CD163L1: variants seen among roughly 807,000 people sequenced by gnomAD.
The protein encoded by CD163L1 is CD163 molecule like 1.
Under a neutral mutation model 165.4 loss-of-function variants are expected in CD163L1, and 124 were observed. That is an observed-to-expected ratio of 0.75 (90% CI 0.65 to 0.87). The LOEUF is 0.87. Ranked by LOEUF, CD163L1 falls within the 40% of genes least tolerant of loss-of-function variation. CD163L1 has a pLI of 0.00. For missense variants in CD163L1, 1,525 were observed against 1,799.9 expected (o/e 0.85, Z 2.76); for synonymous variants, 585 against 662.2 (o/e 0.88, Z 1.79).
the CD163L1 span, among the ~76,000 whole-genome samples, chr12:7,331,762 C>T: frequency 1.3e-5 from 2 of 152,094 alleles, no homozygotes; most frequent in Middle Eastern, 3.2e-3. Context: ...GAAAGGACAT[C>T]CACACCAAAA....
At chr12:7,324,146 ACT>A in the CD163L1 span, 1 of 1,118,372 alleles carries the variant, frequency 8.9e-7, no homozygotes, top group Admixed American at 2.8e-5. Flanking sequence ...ACAGAGAGAG[ACT>A]CTGTCTCAAA....
chr12:7,393,948 A>G (rs1947716457), intron 8 of CD163L1, among the ~76,000 whole-genome samples: 1 of 152,214 alleles, frequency 6.6e-6, no homozygotes, highest in African/African-American at 2.4e-5. Flanking sequence ...AGAACATTCC[A>G]TGCTCATGGA....
the CD163L1 span, among the ~76,000 whole-genome samples, chr12:7,329,657 C>T: frequency 6.6e-6 from 1 of 151,470 alleles, no homozygotes; most frequent in East Asian, 1.9e-4. Context: ...AAAGAAAAAC[C>T]TAAAGGGGGA....
intron 2 of CD163L1, chr12:7,439,344 G>C: frequency 6.3e-7 from 1 of 1,589,392 alleles, no homozygotes; most frequent in South Asian, 1.1e-5. Context: ...ATCTTTTTTG[G>C]GCTTTTTGGA....
At chr12:7,333,937 C>G in the CD163L1 span, among the ~76,000 whole-genome samples, 3 of 152,058 alleles carry the variant, frequency 2.0e-5, no homozygotes, top group Admixed American at 6.5e-5. Flanking sequence ...AAGACTAAAC[C>G]AGGAAGAAGT....
In CD163L1 at chr12:7,433,613, C is replaced by T; in HGVS notation, c.206G>A (p.Trp69Ter). ...CCACCCATCATCACACACAGTCCCC[C>T]ACTGTCCCTGGAATTTCACCTCCAC... Reference protein sequence around the residue: ...GTVEVKFQGQWGTVCDDGWNT... With the variant: ...GTVEVKFQGQ The change falls in exon 3 of 20, where the codon TGG becomes TAG. Residue 69 changes from tryptophan to a stop codon, truncating the protein, a stop_gained. Transcript: ENST00000313599. LOFTEE classifies it high-confidence loss of function. 2 of 1,614,170 alleles carry T rather than the reference C, an allele frequency of 1.2e-6. No individual in the cohort carries two copies. The highest frequency in any genetic ancestry group is 1.3e-5 in the African/African-American group (1 of 75,070).
intron 4 of CD163L1, among the ~76,000 whole-genome samples, chr12:7,407,767 A>G (rs1044260621): frequency 3.4e-5 from 5 of 148,404 alleles, no homozygotes; most frequent in African/African-American, 1.2e-4. Context: ...GTGTATATAT[A>G]CACACACACA....
At chr12:7,436,613 T>A (rs1353838560) in intron 2 of CD163L1, among the ~76,000 whole-genome samples, 4 of 151,382 alleles carry the variant, frequency 2.6e-5, no homozygotes, top group South Asian at 2.1e-4. Context: ...CTGTAAAAAA[T>A]TTTTTTTAAT....
At chr12:7,346,323 T>C (rs1484713476), downstream of CD163L1, among the ~76,000 whole-genome samples, 2 of 152,164 alleles carry the variant, frequency 1.3e-5, no homozygotes. Flanking sequence ...TTTTTATTAA[T>C]TTGTATTGAT....
At chr12:7,414,128 A>T (rs1948192491) in intron 4 of CD163L1, among the ~76,000 whole-genome samples, 1 of 152,230 alleles carries the variant, frequency 6.6e-6, no homozygotes, top group African/African-American at 2.4e-5. Flanking sequence ...CAAAGAAAGT[A>T]AGATCTAAAA....
At position 7,405,979 on chromosome 12, in the gene CD163L1, T is replaced by C. The variant is rs185006972; in HGVS notation, c.1087+553A>G. 4.8e-3 allele frequency among the ~76,000 whole-genome samples: 736 copies of C among 152,248 alleles called. 9 individuals carry two copies. The highest frequency in any genetic ancestry group is 0.017 in the African/African-American group (696 of 41,546). ...AATAAACAGCGAGGGGTAACTTGCT[T>C]GTAGTTGAAAGTTGCAAACTAGAAA... On this transcript the variant is annotated intron_variant, in intron 5 of 19. Coordinates refer to ENST00000313599, the MANE Select transcript of CD163L1 (RefSeq NM_174941.6).
downstream of CD163L1, among the ~76,000 whole-genome samples, chr12:7,342,487 G>GGCTCTCA (rs1215766859): frequency 1.3e-5 from 2 of 152,136 alleles, no homozygotes; most frequent in Non-Finnish European, 2.9e-5. Flanking sequence ...CTCTGTTCGA[G>GGCTCTCA]GCTCTCAGCT....
At position 7,443,964 on chromosome 12, in the gene CD163L1, T is replaced by A; in HGVS notation, c.31+133A>T. On this transcript the variant is annotated intron_variant, in intron 1 of 19. Coordinates refer to ENST00000313599, the MANE Select transcript of CD163L1 (RefSeq NM_174941.6). ...ACTCTAAGTTCCACAAAACTTTCAA[T>A]TTTTTTATATTTCTCATGTCCTGTT... The A allele has an allele frequency of 3.5e-6, 3 of 853,512 alleles. No homozygotes were observed. In the East Asian group the frequency reaches 8.4e-5, roughly 24 times the overall value. 52.9% of individuals were successfully genotyped at this position (853,512 alleles called of 1,614,324 possible).
At chr12:7,320,811 G>A in the CD163L1 span, 98 of 1,606,248 alleles carry the variant, frequency 6.1e-5, 1 homozygote, top group Non-Finnish European at 8.1e-5. Context: ...AGAGGTACTT[G>A]GGCAGAAATC....
Position 7,374,956 on chromosome 12 carries a change from A to G in CD163L1, c.3002-33T>C. 6.3e-7 allele frequency: 1 copy of G among 1,582,614 alleles called. No homozygotes were observed. Among genetic ancestry groups the G allele is most frequent in the Non-Finnish European group, 8.7e-7 (1 of 1,151,430 alleles). On this transcript the variant is annotated intron_variant, in intron 11 of 19. Coordinates refer to ENST00000313599, the MANE Select transcript of CD163L1 (RefSeq NM_174941.6). The surrounding 1 kb of genome is among the most constrained non-coding windows in gnomAD (Gnocchi z 5.4). Reference sequence around the variant, plus strand: ...AGGGTGCAGGAAATGGGGCAAAAGTAAGACCAAAATACATGGAAAAGGTTG... The same window carrying G: ...AGGGTGCAGGAAATGGGGCAAAAGTGAGACCAAAATACATGGAAAAGGTTG...
In CD163L1 at chr12:7,375,312, G is replaced by A. The variant is rs1168086288; in HGVS notation, c.2970C>T (p.Ile990=). The change falls in exon 11 of 20, where the codon ATC becomes ATT. Residue 990 remains isoleucine, a synonymous_variant. Transcript: ENST00000313599. ...QMTVLGAPPC[I]HGNTVSVICT... is the part of the protein sequence containing the mutation. Reference sequence around the variant, plus strand: ...AGATCACAGAGACAGTATTTCCATGGATACAGGGAGGTGCTCCAAGAACTG... The same window carrying A: ...AGATCACAGAGACAGTATTTCCATGAATACAGGGAGGTGCTCCAAGAACTG... 3 of 1,613,888 alleles carry A rather than the reference G, an allele frequency of 1.9e-6. No homozygotes were observed. The African/African-American group carries it at 4.0e-5, about 22-fold the overall frequency.
chr12:7,369,300 C>T lies in CD163L1; in HGVS notation c.4039+57G>A, dbSNP rs1476011813. On this transcript the variant is annotated intron_variant, in intron 15 of 19. Coordinates refer to ENST00000313599, the MANE Select transcript of CD163L1 (RefSeq NM_174941.6). This position sits in a 1 kb window ranked among gnomAD's most constrained non-coding sequence, Gnocchi z 4.9. ...CAACTCTCTGAGTGAGCCTGTTTCC[C>T]AGTGTTCTCTACCATTAGTGGGAGG... 8 of 1,536,230 alleles carry T rather than the reference C, an allele frequency of 5.2e-6. No homozygotes were observed. The highest frequency in any genetic ancestry group is 4.1e-5 in the African/African-American group (3 of 73,386).
At chr12:7,402,714 C>A (rs1408065126) in intron 6 of CD163L1, among the ~76,000 whole-genome samples, 1 of 151,876 alleles carries the variant, frequency 6.6e-6, no homozygotes, top group African/African-American at 2.4e-5. Flanking sequence ...CGGCTCACTG[C>A]AGCCTCGAAT....
intron 6 of CD163L1, among the ~76,000 whole-genome samples, chr12:7,401,649 C>G (rs1340745168): frequency 6.6e-6 from 1 of 151,884 alleles, no homozygotes. Context: ...TAGTAAGTAG[C>G]CTTTAACATT....
Sources: gnomAD v4.1 joint callset for allele counts (sites outside exome capture counted in the v4.1 genomes callset) on GRCh38, gnomAD v4.1.1 for gene constraint, Gnocchi (gnomAD v3.1) non-coding constraint, MANE v1.5 for transcripts, NCBI Gene and HGNC (gene_info 2026-07-23, HGNC 2026-07-21) for gene names.